DDX31: variants seen among roughly 807,000 people sequenced by gnomAD.
The protein encoded by DDX31 is DEAD-box helicase 31.
In DDX31, 70 loss-of-function variants were observed where a neutral mutation model predicts 91.3. The observed-to-expected ratio is 0.77, with a 90% CI of 0.63 to 0.94. DDX31 has a LOEUF of 0.94. Ranked by LOEUF, DDX31 falls within the 40% of genes least tolerant of loss-of-function variation. The probability of loss-of-function intolerance (pLI) is 0.00; values close to 1 mark genes in which losing one functional copy is unlikely to be tolerated. For missense variants in DDX31, 902 were observed against 925.0 expected (o/e 0.98, Z 0.32); for synonymous variants, 362 against 350.6 (o/e 1.03, Z -0.36).
rs1409848697 is a variant in DDX31, at chr9:132,593,172, G to C, written c.*1694C>G. 1.3e-5 allele frequency: 2 copies of C among 152,208 alleles called. No homozygotes were observed. The highest frequency in any genetic ancestry group is 6.5e-5 in the Admixed American group (1 of 15,284). 9.4% of individuals were successfully genotyped at this position (152,208 alleles called of 1,614,324 possible). A position where few individuals can be genotyped will look rare whatever the true frequency, so the allele number is the denominator to read the frequency against. On this transcript the variant is annotated 3_prime_UTR_variant, in exon 20 of 20. Coordinates refer to ENST00000372159, the MANE Select transcript of DDX31 (RefSeq NM_022779.9). ...CCATAAGAGTTAGCAGATTAAGTGT[G>C]TAAGTTTTGATCTTGGAATTATCGT...
chr9:132,627,683 C>G (rs1832478550), intron 16 of DDX31, among the ~76,000 whole-genome samples: 1 of 152,210 alleles, frequency 6.6e-6, no homozygotes, highest in South Asian at 2.1e-4. Context: ...AAGTTCTGAG[C>G]ATCTAGACAG....
intron 3 of DDX31, 135 bp from the exon 4 acceptor site, chr9:132,661,386 C>T (rs116856318): frequency 1.3e-6 from 1 of 778,090 alleles, no homozygotes; most frequent in Non-Finnish European, 2.0e-6. Flanking sequence ...CCAGGTGGTG[C>T]TCTCTACTTG....
intron 14 of DDX31, among the ~76,000 whole-genome samples, chr9:132,636,502 C>T (rs1342131223): frequency 6.6e-6 from 1 of 152,202 alleles, no homozygotes; most frequent in African/African-American, 2.4e-5. Flanking sequence ...CCAGCAAACA[C>T]TAAGACTCTA....
At chr9:132,651,517 G>A (rs981795133) in intron 7 of DDX31, among the ~76,000 whole-genome samples, 4 of 152,184 alleles carry the variant, frequency 2.6e-5, no homozygotes, top group South Asian at 2.1e-4. Flanking sequence ...CAATAGTGAC[G>A]CAACAGGGTA....
intron 6 of DDX31, 144 bp downstream of exon 6, chr9:132,658,527 T>C: frequency 1.4e-6 from 1 of 730,036 alleles, no homozygotes; most frequent in Non-Finnish European, 2.3e-6. Context: ...ATACAACACA[T>C]TTATGCAATA....
At chr9:132,600,060 C>G (rs1210496848) in intron 19 of DDX31, among the ~76,000 whole-genome samples, 1 of 152,208 alleles carries the variant, frequency 6.6e-6, no homozygotes, top group Non-Finnish European at 1.5e-5. Flanking sequence ...GACAAGCGGG[C>G]CCTCCGTATG....
chr9:132,620,355 T>C (rs2119389012), intron 17 of DDX31, among the ~76,000 whole-genome samples: 1 of 151,578 alleles, frequency 6.6e-6, no homozygotes, highest in East Asian at 1.9e-4. Context: ...TATGGCAATA[T>C]ATTACAAAGG....
chr9:132,637,035 T>C (rs1444088168), intron 14 of DDX31, among the ~76,000 whole-genome samples: 2 of 152,224 alleles, frequency 1.3e-5, no homozygotes, highest in Non-Finnish European at 2.9e-5. Context: ...TCTGAGACTC[T>C]GTAAATCTCA....
At chr9:132,640,106 G>A (rs1833397523) in intron 14 of DDX31, among the ~76,000 whole-genome samples, 1 of 152,170 alleles carries the variant, frequency 6.6e-6, no homozygotes, top group Non-Finnish European at 1.5e-5. Flanking sequence ...ACAAATCACA[G>A]TCCTTGTCTT....
chr9:132,629,263 A>C (rs1173212802), intron 16 of DDX31, among the ~76,000 whole-genome samples: 32 of 152,282 alleles, frequency 2.1e-4, no homozygotes, highest in Admixed American at 2.1e-3. Context: ...CACACTGAAG[A>C]AAGGAAAACC....
At chr9:132,606,011 C>T (rs563797039) in intron 19 of DDX31, among the ~76,000 whole-genome samples, 1 of 152,004 alleles carries the variant, frequency 6.6e-6, no homozygotes, top group East Asian at 1.9e-4. Flanking sequence ...ATAAAGACAG[C>T]GTTTGGGAAG....
At chr9:132,650,198 C>G in intron 9 of DDX31, 36 bp downstream of exon 9, 1 of 1,604,412 alleles carries the variant, frequency 6.2e-7, no homozygotes, top group South Asian at 1.1e-5. Flanking sequence ...AGGACACATT[C>G]AAGAAGGAAA....
intron 19 of DDX31, among the ~76,000 whole-genome samples, chr9:132,606,934 C>A (rs1040130187): frequency 6.6e-6 from 1 of 152,180 alleles, no homozygotes; most frequent in Non-Finnish European, 1.5e-5. Context: ...GAGAACAACA[C>A]AGCACAGGCC....
At chr9:132,610,606 T>A (rs1831267811) in intron 19 of DDX31, among the ~76,000 whole-genome samples, 1 of 151,604 alleles carries the variant, frequency 6.6e-6, no homozygotes, top group Non-Finnish European at 1.5e-5. Flanking sequence ...CCTATATGGT[T>A]CAAAAAGCAT....
intron 14 of DDX31, among the ~76,000 whole-genome samples, chr9:132,639,952 A>G (rs577903777): frequency 6.6e-6 from 1 of 152,352 alleles, no homozygotes; most frequent in East Asian, 1.9e-4. Context: ...CAAGTCTATT[A>G]ATCTCTGTCT....
At chr9:132,619,885 T>C (rs536905198) in intron 17 of DDX31, among the ~76,000 whole-genome samples, 1 of 152,018 alleles carries the variant, frequency 6.6e-6, no homozygotes, top group Non-Finnish European at 1.5e-5. Flanking sequence ...CCTGTGTTTT[T>C]TTTTTTTTTT....
In DDX31 at chr9:132,634,583, ATGT is replaced by A. The variant is rs1271530768; in HGVS notation, c.1441-2495_1441-2493del. On this transcript the variant is annotated intron_variant, in intron 14 of 19. Coordinates refer to ENST00000372159, the MANE Select transcript of DDX31 (RefSeq NM_022779.9). ...TTCAAATTCTCCAACTGTACCTAAG[ATGT>A]TTTTTTTTTTTTTTTTTTTTTTTAA... is the stretch of plus-strand genomic sequence containing the variant. Among the ~76,000 whole-genome samples the A allele has an allele frequency of 3.6e-4, 37 of 103,850 alleles. 1 individual carries two copies. The highest frequency in any genetic ancestry group is 1.1e-3 in the African/African-American group (37 of 33,302). 68.1% of individuals were successfully genotyped at this position (103,850 alleles called of 152,430 possible).
chr9:132,653,494 CAAAAAAAAAAAAAAAAAAAAAA>C (rs71376648), intron 6 of DDX31, among the ~76,000 whole-genome samples: 9 of 20,664 alleles, frequency 4.4e-4, no homozygotes, highest in Admixed American at 3.5e-3. Context: ...AACTCAGTCT[CAAAAAAAAAAAAAAAAAAAAAA>C]AAAAAAAAAA....
At position 132,665,628 on chromosome 9, in the gene DDX31, T is replaced by C. The variant is rs866361444; in HGVS notation, c.76-2933A>G. 3.9e-5 allele frequency among the ~76,000 whole-genome samples: 6 copies of C among 152,252 alleles called. No homozygotes were observed. In the South Asian group the frequency reaches 1.2e-3, roughly 32 times the overall value. On this transcript the variant is annotated intron_variant, in intron 1 of 19. Transcript: ENST00000372159. ...AAAAATCTAAAATCTACTAAAAATCTACTAAAAAATTCGTTTGAGTCTCTG... is the reference window on the plus strand; with the variant it reads ...AAAAATCTAAAATCTACTAAAAATCCACTAAAAAATTCGTTTGAGTCTCTG...
Sources: gnomAD v4.1 joint callset for allele counts (sites outside exome capture counted in the v4.1 genomes callset) on GRCh38, gnomAD v4.1.1 for gene constraint, MANE v1.5 for transcripts, NCBI Gene and HGNC (gene_info 2026-07-23, HGNC 2026-07-21) for gene names.